Variants in ROGDI observed in about 807,000 individuals in gnomAD.
The protein encoded by ROGDI is rogdi atypical leucine zipper.
Under a neutral mutation model 43.1 loss-of-function variants are expected in ROGDI, and 46 were observed. The ratio of observed to expected loss-of-function variants is 1.07; its 90% confidence interval spans 0.84 to 1.37. ROGDI has a LOEUF of 1.37. Among genes scored for constraint, ROGDI ranks in the 40% most tolerant of loss-of-function variants. The pLI, the probability that ROGDI is intolerant of heterozygous loss-of-function variation, is 0.00. For synonymous variants in ROGDI, 243 were observed against 162.0 expected (o/e 1.50, Z -3.80); for missense variants, 518 against 383.9 (o/e 1.35, Z -2.92).
Position 4,799,678 on chromosome 16 carries a change from C to T in ROGDI, c.432+8G>A, listed in dbSNP as rs538455657. 1 of 1,608,566 alleles carries T rather than the reference C, an allele frequency of 6.2e-7. No homozygotes were observed. Among genetic ancestry groups the T allele is most frequent in the South Asian group, 1.1e-5 (1 of 90,484 alleles). ...TAGGCCCAGGAGTCAGGCCCGGGGG[C>T]AGCTCACCTTGAGGACCTCAGCGCC... On this transcript the variant is annotated splice_region_variant and intron_variant, in intron 6 of 10. Coordinates refer to ENST00000322048, the MANE Select transcript of ROGDI (RefSeq NM_024589.3).
Position 4,802,606 on chromosome 16 carries a change from G to A in ROGDI, c.-35C>T. On this transcript the variant is annotated 5_prime_UTR_variant, in exon 1 of 11. Coordinates refer to ENST00000322048, the MANE Select transcript of ROGDI (RefSeq NM_024589.3). ...CCGCCGCCGAGCGCCCTCCCCACCG[G>A]CCGCTGCTCCTGTCCACCAATCTTT... 4 of 1,298,324 alleles carry A rather than the reference G, an allele frequency of 3.1e-6. No homozygotes were observed. Among genetic ancestry groups the A allele is most frequent in the South Asian group, 2.3e-5 (1 of 43,556 alleles). 80.4% of individuals were successfully genotyped at this position (1,298,324 alleles called of 1,614,324 possible).
intron 6 of ROGDI, 96 bp from the exon 7 acceptor site, chr16:4,798,763 G>T: frequency 9.5e-7 from 1 of 1,049,354 alleles, no homozygotes; most frequent in Non-Finnish European, 1.4e-6. Flanking sequence ...CCAGCCCAGT[G>T]GCTACTGTTC....
chr16:4,798,551 G>T lies in ROGDI; in HGVS notation c.531+18C>A. 1 of 1,526,204 alleles carries T rather than the reference G, an allele frequency of 6.6e-7. No individual in the cohort carries two copies. Among genetic ancestry groups the T allele is most frequent in the East Asian group, 2.3e-5 (1 of 42,850 alleles). The allele number at this position is 1,526,204 out of a possible 1,614,324, so 94.5% of individuals were successfully genotyped here. A position where few individuals can be genotyped will look rare whatever the true frequency, so the allele number is the denominator to read the frequency against. On this transcript the variant is annotated intron_variant, in intron 7 of 10. Coordinates refer to ENST00000322048, the MANE Select transcript of ROGDI (RefSeq NM_024589.3). ...GTGGGACCCCTCTCCTGCAGCAGGGGCTGGCAGGGGCACTGACCGTGAGGC... is the reference window on the plus strand; with the variant it reads ...GTGGGACCCCTCTCCTGCAGCAGGGTCTGGCAGGGGCACTGACCGTGAGGC...
intron 6 of ROGDI, 123 bp from the exon 7 acceptor site, chr16:4,798,790 G>C: frequency 1.3e-6 from 1 of 787,992 alleles, no homozygotes. Flanking sequence ...CCCGAAACCC[G>C]GCAGCAGGGA....
At chr16:4,798,221 C>T (rs1429945084) in intron 7 of ROGDI, 37 bp from the exon 8 acceptor site, 12 of 1,557,558 alleles carry the variant, frequency 7.7e-6, no homozygotes, top group Non-Finnish European at 9.7e-6. Flanking sequence ...CTCGCAAGCC[C>T]CCAGCCCAGG....
chr16:4,802,352 C>A (rs1223091381), intron 2 of ROGDI, 30 bp downstream of exon 2: 1 of 1,542,874 alleles, frequency 6.5e-7, no homozygotes, highest in Non-Finnish European at 8.7e-7. Flanking sequence ...AGGGCCGCCA[C>A]GCCCGGCGGG....
In ROGDI at chr16:4,799,794, GTCAT is replaced by G; in HGVS notation, c.337-17_337-14del. ...TGGCATCCTGGATCTGGAAGCAGGG[GTCAT>G]CCAGAGGGGTCACGCCAGCTTCCAT... is the stretch of plus-strand genomic sequence containing the variant. On this transcript the variant is annotated splice_polypyrimidine_tract_variant and intron_variant, in intron 5 of 10. Transcript: ENST00000322048. 1 of 1,597,982 alleles carries G rather than the reference GTCAT, an allele frequency of 6.3e-7. No individual in the cohort carries two copies. Among genetic ancestry groups the G allele is most frequent in the Non-Finnish European group, 8.6e-7 (1 of 1,166,292 alleles).
At chr16:4,798,706 G>T (rs1185691512) in intron 6 of ROGDI, 39 bp from the exon 7 acceptor site, 5 of 1,470,224 alleles carry the variant, frequency 3.4e-6, no homozygotes, top group Non-Finnish European at 4.6e-6. Flanking sequence ...GTCCTCCCGT[G>T]TCCCCATGCA....
At position 4,797,799 on chromosome 16, in the gene ROGDI, T is replaced by C; in HGVS notation, c.737A>G (p.Lys246Arg). The C allele has an allele frequency of 6.2e-7, 1 of 1,613,258 alleles. No individual in the cohort carries two copies. The highest frequency in any genetic ancestry group is 8.5e-7 in the Non-Finnish European group (1 of 1,179,930). ...GAGCCAGGGGATCACGCACTCCACTTTGTGCACGTGGCTCACCTCCAGGCG... is the reference window on the plus strand; with the variant it reads ...GAGCCAGGGGATCACGCACTCCACTCTGTGCACGTGGCTCACCTCCAGGCG... ...SQRLEVSHVH[K>R]VECVIPWLND... Residue 246 changes from lysine to arginine, a missense_variant, in exon 10 of 11, where the codon AAA (lysine) becomes AGA (arginine). Lys to Arg is a conservative substitution (Grantham distance 26). Coordinates refer to ENST00000322048, the MANE Select transcript of ROGDI (RefSeq NM_024589.3).
rs149743055 is a variant in ROGDI at position 4,799,146 on chromosome 16, C to T, written c.433-479G>A. 2.2e-3 allele frequency among the ~76,000 whole-genome samples: 340 copies of T among 152,242 alleles called. 2 individuals are homozygous for T. Among genetic ancestry groups the T allele is most frequent in the African/African-American group, 7.8e-3 (326 of 41,538 alleles). On this transcript the variant is annotated intron_variant, in intron 6 of 10. Coordinates refer to ENST00000322048, the MANE Select transcript of ROGDI (RefSeq NM_024589.3). ...CCGTGGAGCAGAGCCCTGGCAGACTCCTCAGAGCCCCAGCTTTCGTGCCAT... is the reference window on the plus strand; with the variant it reads ...CCGTGGAGCAGAGCCCTGGCAGACTTCTCAGAGCCCCAGCTTTCGTGCCAT...
intron 5 of ROGDI, 22 bp downstream of exon 5, chr16:4,800,476 T>A (rs1425245099): frequency 6.5e-7 from 1 of 1,545,834 alleles, no homozygotes; most frequent in Admixed American, 2.0e-5. Flanking sequence ...GGCTGAGCAC[T>A]AGCCAGGAGG....
intron 10 of ROGDI, 24 bp from the exon 11 acceptor site, chr16:4,797,525 G>C (rs768687203): frequency 4.4e-6 from 6 of 1,367,942 alleles, no homozygotes; most frequent in Admixed American, 2.4e-5. Context: ...GGGTGCTGTA[G>C]GTTGCTGAAG....
chr16:4,797,851 T>C lies in ROGDI; in HGVS notation c.696-11A>G, dbSNP rs2082671350. 6.2e-6 allele frequency: 10 copies of C among 1,610,478 alleles called. No individual in the cohort carries two copies. Among genetic ancestry groups the C allele is most frequent in the Non-Finnish European group, 7.6e-6 (9 of 1,179,496 alleles). On this transcript the variant is annotated splice_polypyrimidine_tract_variant and intron_variant, in intron 9 of 10. Transcript: ENST00000322048. ...TGAGAGCCCCACTCGCTGTGGGCAGTGAGAGGGTCCCTGAGGAGGGTCCCG... is the reference window on the plus strand; with the variant it reads ...TGAGAGCCCCACTCGCTGTGGGCAGCGAGAGGGTCCCTGAGGAGGGTCCCG...
chr16:4,801,216 C>T (rs761603297), intron 4 of ROGDI, 51 bp downstream of exon 4: 6 of 1,493,872 alleles, frequency 4.0e-6, no homozygotes, highest in Non-Finnish European at 5.5e-6. Context: ...TGGGAGCTCC[C>T]ATGCTCTTCC....
Position 4,802,609 on chromosome 16 carries a change from G to A in ROGDI, c.-38C>T. ...CCGCCGAGCGCCCTCCCCACCGGCC[G>A]CTGCTCCTGTCCACCAATCTTTCTG... is the stretch of plus-strand genomic sequence containing the variant. On this transcript the variant is annotated 5_prime_UTR_variant, in exon 1 of 11. Coordinates refer to ENST00000322048, the MANE Select transcript of ROGDI (RefSeq NM_024589.3). 7.7e-7 allele frequency: 1 copy of A among 1,293,852 alleles called. No individual in the cohort carries two copies. The highest frequency in any genetic ancestry group is 9.8e-7 in the Non-Finnish European group (1 of 1,018,272). 80.1% of individuals were successfully genotyped at this position (1,293,852 alleles called of 1,614,324 possible). A position where few individuals can be genotyped will look rare whatever the true frequency, so the allele number is the denominator to read the frequency against.
At chr16:4,798,487 C>A in intron 7 of ROGDI, 82 bp downstream of exon 7, 3 of 1,081,262 alleles carry the variant, frequency 2.8e-6, no homozygotes, top group South Asian at 3.2e-5. Context: ...GGGAGTGGCA[C>A]CCCTCCGCGT....
chr16:4,802,022 C>T, intron 2 of ROGDI: 1 of 580,384 alleles, frequency 1.7e-6, no homozygotes, highest in Non-Finnish European at 3.3e-6. Context: ...CTCCCTTTTG[C>T]CAATGAGAAA....
At position 4,801,314 on chromosome 16, in the gene ROGDI, G is replaced by A. The variant is rs754518299; in HGVS notation, c.208C>T (p.Gln70Ter). The change falls in exon 4 of 11, where the codon CAG becomes TAG. Residue 70 changes from glutamine to a stop codon, truncating the protein, a stop_gained. Transcript: ENST00000322048. LOFTEE classifies it high-confidence loss of function. ...TGCAGAGTCAGCACACCCTTCACCTGGTCTGTGCTGTAACATGTGGCGTCA... is the reference window on the plus strand; with the variant it reads ...TGCAGAGTCAGCACACCCTTCACCTAGTCTGTGCTGTAACATGTGGCGTCA... ...NFILGSCGTDQVKGVLTLQGD... is the reference protein window; with the variant it reads ...NFILGSCGTD The A allele has an allele frequency of 5.0e-6, 8 of 1,608,052 alleles. No homozygotes were observed. Among genetic ancestry groups the A allele is most frequent in the South Asian group, 1.1e-5 (1 of 90,598 alleles).
At chr16:4,799,659 C>G in intron 6 of ROGDI, 27 bp downstream of exon 6, 1 of 1,570,882 alleles carries the variant, frequency 6.4e-7, no homozygotes. Context: ...GGACTAGGCC[C>G]AGGAGTCAGG....
Sources: gnomAD v4.1 joint callset for allele counts (sites outside exome capture counted in the v4.1 genomes callset) on GRCh38, gnomAD v4.1.1 for gene constraint, MANE v1.5 for transcripts, NCBI Gene and HGNC (gene_info 2026-07-23, HGNC 2026-07-21) for gene names.